CPNE4: variants seen among roughly 807,000 people sequenced by gnomAD.
CPNE4 encodes the protein copine 4, also known as copine-4.
Under a neutral mutation model 67.9 loss-of-function variants are expected in CPNE4, and 25 were observed. That is an observed-to-expected ratio of 0.37 (90% confidence interval 0.27 to 0.51). The LOEUF is 0.51. Among genes scored for constraint, CPNE4 ranks in the 20% least tolerant of loss-of-function variants. The probability of loss-of-function intolerance (pLI) is 0.93; values close to 1 mark genes in which losing one functional copy is unlikely to be tolerated. For missense variants in CPNE4, 464 were observed against 690.8 expected, an observed-to-expected ratio of 0.67 and a Z score of 3.68; for synonymous variants, 242 against 244.9, an observed-to-expected ratio of 0.99 and a Z score of 0.11.
At chr3:131,949,491 C>T (rs1454689476) in intron 1 of CPNE4, among the ~76,000 whole-genome samples, 1 of 152,128 alleles carries the variant, frequency 6.6e-6, no homozygotes, top group Non-Finnish European at 1.5e-5. Context: ...TACCAAAATG[C>T]AGAAGTATTT....
chr3:131,696,526 A>C lies in CPNE4; in HGVS notation c.507+16T>G. The C allele has an allele frequency of 6.2e-7, 1 of 1,611,934 alleles. No homozygotes were observed. The highest frequency in any genetic ancestry group is 8.5e-7 in the Non-Finnish European group (1 of 1,178,098). On this transcript the variant is annotated intron_variant, in intron 5 of 15. Coordinates refer to ENST00000429747, the MANE Select transcript of CPNE4 (RefSeq NM_130808.3). ...TTTGTTACTTCCTTCAATAAGGTTA[A>C]TGCCAAACGCTTTACCTTGTCATCC...
chr3:132,001,755 C>G (rs1470316220), intron 1 of CPNE4, among the ~76,000 whole-genome samples: 1 of 151,950 alleles, frequency 6.6e-6, no homozygotes, highest in East Asian at 1.9e-4. Context: ...CTATCCACCC[C>G]ACAAATAAGG....
At chr3:131,864,181 C>T (rs1271035470) in intron 2 of CPNE4, among the ~76,000 whole-genome samples, 2 of 151,128 alleles carry the variant, frequency 1.3e-5, no homozygotes, top group Non-Finnish European at 3.0e-5. Context: ...CTTGACTTGG[C>T]AATGCGGGCT....
intron 1 of CPNE4, among the ~76,000 whole-genome samples, chr3:132,015,908 T>A (rs1489144104): frequency 1.2e-4 from 19 of 152,240 alleles, no homozygotes; most frequent in Non-Finnish European, 2.9e-5. Context: ...TTGGGGCTTC[T>A]CAGACACCTG....
upstream of CPNE4, among the ~76,000 whole-genome samples, chr3:132,038,488 G>A (rs1293095216): frequency 6.6e-6 from 1 of 152,158 alleles, no homozygotes; most frequent in African/African-American, 2.4e-5. Flanking sequence ...ACCATAGGCA[G>A]AGGGCATTTT....
chr3:131,676,173 A>G (rs1281077778), intron 6 of CPNE4, among the ~76,000 whole-genome samples: 1 of 151,352 alleles, frequency 6.6e-6, no homozygotes, highest in Non-Finnish European at 1.5e-5. Flanking sequence ...CTGCTCCTTC[A>G]GCCTCCTTCC....
At chr3:131,846,700 A>G (rs951031933) in intron 2 of CPNE4, among the ~76,000 whole-genome samples, 58 of 152,202 alleles carry the variant, frequency 3.8e-4, no homozygotes, top group Non-Finnish European at 5.1e-4. Context: ...CAGTAAGGAG[A>G]TGACTGTTCA....
intron 2 of CPNE4, among the ~76,000 whole-genome samples, chr3:131,743,962 CAA>C (rs67791015): frequency 3.0e-3 from 177 of 59,188 alleles, no homozygotes; most frequent in African/African-American, 0.013. Flanking sequence ...GACTCCGTCT[CAA>C]AAAAAAAAAA....
chr3:132,014,078 G>A (rs138269484), intron 1 of CPNE4, among the ~76,000 whole-genome samples: 1 of 152,282 alleles, frequency 6.6e-6, no homozygotes, highest in East Asian at 1.9e-4. Context: ...CTCCCATGAT[G>A]TAGAGAATGT....
In CPNE4 at chr3:131,867,908, G is replaced by T. The variant is rs2087025294; in HGVS notation, c.180+37356C>A. ...CCTCACAATAATCCTTCATAAGACA[G>T]ATCTCAACAATAACTCACCAGAATG... On this transcript the variant is annotated intron_variant, in intron 2 of 15. Coordinates refer to ENST00000429747, the MANE Select transcript of CPNE4 (RefSeq NM_130808.3). 1.3e-5 allele frequency among the ~76,000 whole-genome samples: 2 copies of T among 152,088 alleles called. 1 individual carries two copies. Among genetic ancestry groups the T allele is most frequent in the South Asian group, 4.1e-4 (2 of 4,826 alleles).
chr3:131,837,583 G>C (rs1471857040), intron 2 of CPNE4, among the ~76,000 whole-genome samples: 1 of 151,950 alleles, frequency 6.6e-6, no homozygotes, highest in Non-Finnish European at 1.5e-5. Flanking sequence ...TTTTTGGGGG[G>C]TGAGTGATAG....
At chr3:131,746,445 C>T (rs1411671617) in intron 2 of CPNE4, among the ~76,000 whole-genome samples, 2 of 152,058 alleles carry the variant, frequency 1.3e-5, no homozygotes, top group African/African-American at 4.8e-5. Flanking sequence ...TCTCCCCATC[C>T]TCTGGTAGCT....
chr3:131,721,755 G>C (rs535273331), intron 3 of CPNE4, among the ~76,000 whole-genome samples: 1 of 152,126 alleles, frequency 6.6e-6, no homozygotes, highest in Non-Finnish European at 1.5e-5. Context: ...GATGCCCATT[G>C]TTTAAGGGAG....
intron 7 of CPNE4, among the ~76,000 whole-genome samples, chr3:131,628,008 C>T (rs2079121106): frequency 6.6e-6 from 1 of 152,194 alleles, no homozygotes; most frequent in Non-Finnish European, 1.5e-5. Context: ...AGAGGATTAA[C>T]TCCAATTTTG....
Position 131,590,845 on chromosome 3 carries a change from T to C in CPNE4, c.682-3263A>G, listed in dbSNP as rs182171924. ...CACAAAGGATACAAAATGAAGTCAA[T>C]GAAAGGCTTAGCTCATTCTGCTTGA... On this transcript the variant is annotated intron_variant, in intron 7 of 15. Transcript: ENST00000429747. 1.9e-3 allele frequency among the ~76,000 whole-genome samples: 282 copies of C among 152,316 alleles called. 1 individual carries two copies. The highest frequency in any genetic ancestry group is 3.3e-3 in the Non-Finnish European group (225 of 68,034).
intron 1 of CPNE4, among the ~76,000 whole-genome samples, chr3:131,945,625 C>T (rs2071530620): frequency 1.3e-5 from 2 of 152,176 alleles, no homozygotes; most frequent in Non-Finnish European, 2.9e-5. Context: ...TCTCTTTGTA[C>T]AAGTGTAGAA....
At chr3:131,863,401 CTAACTGGT>C (rs2086783277) in intron 2 of CPNE4, among the ~76,000 whole-genome samples, 1 of 152,198 alleles carries the variant, frequency 6.6e-6, no homozygotes, top group Non-Finnish European at 1.5e-5. Context: ...GATCGCCATT[CTAACTGGT>C]ATGAGATGGT....
chr3:132,000,292 A>C (rs1202676786), intron 1 of CPNE4, among the ~76,000 whole-genome samples: 5 of 151,966 alleles, frequency 3.3e-5, no homozygotes, highest in Non-Finnish European at 7.4e-5. Flanking sequence ...AAATGGAGGG[A>C]AGGTGTTATA....
intron 1 of CPNE4, among the ~76,000 whole-genome samples, chr3:131,986,756 G>A (rs563321740): frequency 1.3e-4 from 20 of 151,252 alleles, no homozygotes; most frequent in Non-Finnish European, 2.4e-4. Flanking sequence ...ATTAGAAGCC[G>A]GGAGGCGGAG....
Sources: allele counts gnomAD v4.1 joint callset (sites outside exome capture counted in the v4.1 genomes callset), GRCh38; gene constraint gnomAD v4.1.1; transcripts MANE v1.5; gene names NCBI Gene and HGNC (gene_info 2026-07-23, HGNC 2026-07-21).